OPN5: variants seen among roughly 807,000 people sequenced by gnomAD.
The protein encoded by OPN5 is opsin 5, also known as opsin-5.
Under a neutral mutation model 41.7 loss-of-function variants are expected in OPN5, and 18 were observed. The observed-to-expected ratio is 0.43, with a 90% CI of 0.30 to 0.64. OPN5 has a LOEUF of 0.64. Among genes scored for constraint, OPN5 ranks in the 30% least tolerant of loss-of-function variants. The pLI is 0.13. For synonymous variants in OPN5, 178 were observed against 164.3 expected (o/e 1.08, Z -0.64); for missense variants, 318 against 434.5 (o/e 0.73, Z 2.38).
intron 6 of OPN5, among the ~76,000 whole-genome samples, chr6:47,815,312 A>G (rs1007199215): frequency 3.3e-5 from 5 of 152,140 alleles, no homozygotes; most frequent in African/African-American, 1.2e-4. Context: ...CACTGCCTTT[A>G]ATGACCTTTA....
In OPN5 at chr6:47,795,778, TCACACACACACA is replaced by T. The variant is rs57933636; in HGVS notation, c.756+238_756+249del. On this transcript the variant is annotated intron_variant, in intron 4 of 6. Transcript: ENST00000371211. Reference sequence around the variant, plus strand: ...CTTCTCTCTTCTCTCTCTCTCTCTCTCACACACACACACACACACACACACACACACACATTT... The same window carrying T: ...CTTCTCTCTTCTCTCTCTCTCTCTCTCACACACACACACACACACACATTT... 7.0e-4 allele frequency among the ~76,000 whole-genome samples: 100 copies of T among 142,888 alleles called. 1 individual carries two copies. The highest frequency in any genetic ancestry group is 2.6e-3 in the African/African-American group (94 of 36,808). The allele number at this position is 142,888 out of a possible 152,430, so 93.7% of individuals were successfully genotyped here. A position where few individuals can be genotyped will look rare whatever the true frequency, so the allele number is the denominator to read the frequency against.
chr6:47,809,428 G>A (rs988991239), intron 5 of OPN5, among the ~76,000 whole-genome samples: 2 of 152,040 alleles, frequency 1.3e-5, no homozygotes, highest in Non-Finnish European at 2.9e-5. Context: ...TCCTCACCAC[G>A]GGTCAAATGA....
chr6:47,824,094 C>A, exon 7 of OPN5: 2 of 874,226 alleles, frequency 2.3e-6, no homozygotes, highest in South Asian at 2.9e-5. Flanking sequence ...TTCTCGCCTC[C>A]ACTCCACTTA....
At chr6:47,813,683 G>A (rs1430628868) in intron 6 of OPN5, among the ~76,000 whole-genome samples, 4 of 152,126 alleles carry the variant, frequency 2.6e-5, no homozygotes, top group Non-Finnish European at 5.9e-5. Flanking sequence ...GAGGTTGGCA[G>A]ACCAGTTAAG....
At chr6:47,813,627 A>G (rs532026480) in intron 6 of OPN5, among the ~76,000 whole-genome samples, 18 of 152,250 alleles carry the variant, frequency 1.2e-4, no homozygotes, top group Admixed American at 3.3e-4. Flanking sequence ...GTCTGGTGGC[A>G]GTGTGGAAGG....
At chr6:47,783,445 A>C (rs1434972988) in intron 1 of OPN5, among the ~76,000 whole-genome samples, 4 of 151,890 alleles carry the variant, frequency 2.6e-5, no homozygotes, top group Non-Finnish European at 5.9e-5. Context: ...CTGGCTAAGA[A>C]TTTCATTTAA....
intron 5 of OPN5, among the ~76,000 whole-genome samples, chr6:47,811,133 A>G (rs1220294165): frequency 6.6e-6 from 1 of 152,182 alleles, no homozygotes; most frequent in Non-Finnish European, 1.5e-5. Context: ...GAGGCTGCAG[A>G]TGCTAGGCCT....
intron 4 of OPN5, among the ~76,000 whole-genome samples, chr6:47,797,022 T>A (rs1437163987): frequency 6.6e-6 from 1 of 152,192 alleles, no homozygotes; most frequent in Non-Finnish European, 1.5e-5. Flanking sequence ...CCATCAGATC[T>A]TGTGAGACTT....
chr6:47,796,627 G>T (rs1454046233), intron 4 of OPN5, among the ~76,000 whole-genome samples: 1 of 152,060 alleles, frequency 6.6e-6, no homozygotes, highest in Non-Finnish European at 1.5e-5. Context: ...CACGTTGATT[G>T]GTATCCTACC....
At chr6:47,804,260 G>A (rs928397211) in intron 4 of OPN5, among the ~76,000 whole-genome samples, 3 of 152,026 alleles carry the variant, frequency 2.0e-5, no homozygotes, top group Admixed American at 1.3e-4. Flanking sequence ...AGGATTTGAA[G>A]TCTTACTGCT....
Position 47,792,942 on chromosome 6 carries a change from C to A in OPN5, c.421+970C>A, listed in dbSNP as rs115177036. ...AATCCATGCTTGGGTGGGTGGGAGGCGGGGGCTTGTGAGCCATTCTCTTCA... is the reference window on the plus strand; with the variant it reads ...AATCCATGCTTGGGTGGGTGGGAGGAGGGGGCTTGTGAGCCATTCTCTTCA... On this transcript the variant is annotated intron_variant, in intron 3 of 6. Transcript: ENST00000371211. 4.8e-3 allele frequency among the ~76,000 whole-genome samples: 658 copies of A among 138,288 alleles called. 5 individuals carry two copies. Among genetic ancestry groups the A allele is most frequent in the African/African-American group, 0.015 (566 of 38,130 alleles). 90.7% of individuals were successfully genotyped at this position (138,288 alleles called of 152,430 possible).
chr6:47,817,832 G>C (rs1044081782), intron 6 of OPN5, among the ~76,000 whole-genome samples: 1 of 152,080 alleles, frequency 6.6e-6, no homozygotes, highest in African/African-American at 2.4e-5. Flanking sequence ...TCTGTGAGCG[G>C]GACACTCTCT....
intron 1 of OPN5, among the ~76,000 whole-genome samples, chr6:47,786,128 A>G (rs1365180959): frequency 6.6e-6 from 1 of 152,210 alleles, no homozygotes; most frequent in African/African-American, 2.4e-5. Flanking sequence ...ATTTATCAAG[A>G]GCTAAGGGTT....
intron 1 of OPN5, 37 bp downstream of exon 1, chr6:47,782,233 T>C (rs770057372): frequency 3.7e-6 from 6 of 1,602,478 alleles, no homozygotes. Flanking sequence ...AAGGCTGCAT[T>C]TAGAAAATTC....
chr6:47,800,414 C>A (rs1475383781), intron 4 of OPN5, among the ~76,000 whole-genome samples: 2 of 152,100 alleles, frequency 1.3e-5, no homozygotes, highest in Non-Finnish European at 2.9e-5. Context: ...CCAGGTGGGG[C>A]CACAGGAGCC....
chr6:47,792,827 T>C (rs745910366), intron 3 of OPN5, among the ~76,000 whole-genome samples: 4 of 152,094 alleles, frequency 2.6e-5, no homozygotes, highest in African/African-American at 4.8e-5. Flanking sequence ...GCCTGGAGAC[T>C]GAGGTGGGAA....
intron 2 of OPN5, among the ~76,000 whole-genome samples, chr6:47,787,576 G>T (rs1274256687): frequency 6.6e-6 from 1 of 152,108 alleles, no homozygotes; most frequent in Admixed American, 6.6e-5. Flanking sequence ...TTAGAAACTT[G>T]TTAGTAGTTT....
chr6:47,796,559 A>C (rs938583431), intron 4 of OPN5, among the ~76,000 whole-genome samples: 7 of 152,176 alleles, frequency 4.6e-5, no homozygotes, highest in Admixed American at 4.6e-4. Flanking sequence ...TTCTATTTTA[A>C]AGATAAAAAT....
At chr6:47,810,479 G>A (rs1000323961) in intron 5 of OPN5, among the ~76,000 whole-genome samples, 4 of 143,644 alleles carry the variant, frequency 2.8e-5, no homozygotes, top group Non-Finnish European at 5.9e-5. Flanking sequence ...TAAGTGATGT[G>A]AAGCTAGTTT....
Sources: allele counts gnomAD v4.1 joint callset (sites outside exome capture counted in the v4.1 genomes callset), GRCh38; gene constraint gnomAD v4.1.1; transcripts MANE v1.5; gene names NCBI Gene and HGNC (gene_info 2026-07-23, HGNC 2026-07-21).